Variants in ZMAT1 observed in about 807,000 individuals in gnomAD.
ZMAT1 encodes the protein zinc finger matrin-type protein 1.
In ZMAT1, 11 loss-of-function variants were observed where a neutral mutation model predicts 18.5. That is an observed-to-expected ratio of 0.59 (90% CI 0.37 to 0.98). The LOEUF (loss-of-function observed/expected upper bound fraction) is 0.98, where lower values mean the gene tolerates loss of function less well. Ranked by LOEUF, ZMAT1 falls within the 50% of genes least tolerant of loss-of-function variation. The pLI is 0.01. For synonymous variants in ZMAT1, 211 were observed against 176.4 expected (o/e 1.20, Z -1.55); for missense variants, 525 against 496.2 (o/e 1.06, Z -0.55).
chrX:101,893,325 C>G (rs889131083), intron 4 of ZMAT1, among the ~76,000 whole-genome samples: 1 of 111,533 alleles, frequency 9.0e-6, no homozygotes, highest in Non-Finnish European at 1.9e-5. Flanking sequence ...TACACTCAAC[C>G]TAGCAACAGG....
chrX:101,924,614 C>T (rs1366049549), intron 1 of ZMAT1, among the ~76,000 whole-genome samples: 1 of 111,360 alleles, frequency 9.0e-6, no homozygotes, highest in African/African-American at 3.3e-5. Context: ...GGAAGATAAC[C>T]TATATCTGAT....
rs1247460421 is a variant in ZMAT1 at position 101,884,671 on chromosome X, G to A, written c.927C>T (p.Thr309=). ...AATCGACCACTTCTCTGTATCTACG[G>A]GTTTCCAAAGAACTCTCTTCCATCT... ...FRKMEESSLE[T]RRYREVVDSR... The change falls in exon 6 of 6, where the codon ACC becomes ACT. Residue 309 remains threonine, a synonymous_variant. Coordinates refer to ENST00000651725, the MANE Select transcript of ZMAT1 (RefSeq NM_001394560.1). The A allele has an allele frequency of 8.3e-7, 1 of 1,206,756 alleles. No individual in the cohort carries two copies. Among genetic ancestry groups the A allele is most frequent in the Non-Finnish European group, 1.1e-6 (1 of 893,642 alleles).
At chrX:101,887,700 T>G (rs773652526) in intron 4 of ZMAT1, 74 of 111,316 alleles carry the variant, frequency 6.6e-4, no homozygotes, top group African/African-American at 2.3e-3. Flanking sequence ...GAAAGAAAGA[T>G]GCTGACTCTG....
At chrX:101,924,598 A>T (rs1434393650) in intron 1 of ZMAT1, among the ~76,000 whole-genome samples, 1 of 112,235 alleles carries the variant, frequency 8.9e-6, no homozygotes, top group African/African-American at 3.2e-5. Context: ...ACCTAGGTTC[A>T]AAATGGGAAG....
At chrX:101,929,439 A>ATTCTATATATATAGAT (rs1930314413) in intron 1 of ZMAT1, among the ~76,000 whole-genome samples, 2 of 83,838 alleles carry the variant, frequency 2.4e-5, no homozygotes, top group South Asian at 1.1e-3. Context: ...ATATATATAT[A>ATTCTATATATATAGAT]TATATATATA....
intron 4 of ZMAT1, chrX:101,894,692 A>G: frequency 6.8e-6 from 5 of 732,677 alleles, no homozygotes; most frequent in Non-Finnish European, 8.1e-6. Context: ...AGAGAAAACA[A>G]AAAAGAAACA....
rs776796140 is a variant in ZMAT1 at position 101,883,890 on chromosome X, C to T, written c.1708G>A (p.Val570Ile). ...AGGTGCTTGTAAACTTCAGATTCTA[C>T]ACTGTATGAGCCAGAGTTATTTTCT... ...QQENNSGSYS[V>I]ESEVYKHLSS... The change falls in exon 6 of 6, where the codon GTA becomes ATA. Residue 570 changes from valine to isoleucine, a missense_variant. Val to Ile is a conservative substitution (Grantham distance 29). Coordinates refer to ENST00000651725, the MANE Select transcript of ZMAT1 (RefSeq NM_001394560.1). The T allele has an allele frequency of 1.7e-6, 2 of 1,208,055 alleles. No homozygotes were observed. The highest frequency in any genetic ancestry group is 3.0e-5 in the East Asian group (1 of 33,659).
rs781465880 is a variant in ZMAT1 at position 101,904,345 on chromosome X, G to C, written c.293-15C>G. ...CCAAATGGCGTCTGTGAATAAAAAA[G>C]GGAAGACAAATATATCACATTAATA... On this transcript the variant is annotated splice_polypyrimidine_tract_variant and intron_variant, in intron 1 of 5. Coordinates refer to ENST00000651725, the MANE Select transcript of ZMAT1 (RefSeq NM_001394560.1). 2.7e-6 allele frequency: 3 copies of C among 1,108,154 alleles called. No homozygotes were observed. In the African/African-American group the frequency reaches 5.5e-5, roughly 20 times the overall value. The allele number at this position is 1,108,154 out of a possible 1,213,427, so 91.3% of individuals were successfully genotyped here. A position where few individuals can be genotyped will look rare whatever the true frequency, so the allele number is the denominator to read the frequency against.
intron 1 of ZMAT1, among the ~76,000 whole-genome samples, chrX:101,919,290 T>C (rs1929564876): frequency 9.0e-6 from 1 of 111,632 alleles, no homozygotes; most frequent in Non-Finnish European, 1.9e-5. Flanking sequence ...TGAGGGCCTC[T>C]ATATGTCAAA....
intron 1 of ZMAT1, among the ~76,000 whole-genome samples, chrX:101,923,405 T>C (rs1182469251): frequency 9.0e-6 from 1 of 111,637 alleles, no homozygotes. Context: ...AAATATATTT[T>C]AGATTGGAAT....
chrX:101,907,644 A>T (rs1289419279), intron 1 of ZMAT1, among the ~76,000 whole-genome samples: 1 of 112,322 alleles, frequency 8.9e-6, no homozygotes, highest in Non-Finnish European at 1.9e-5. Flanking sequence ...ATCTCAATGA[A>T]CTTCAAAAAA....
rs199699417 is a variant in ZMAT1 at position 101,884,084 on chromosome X, G to C, written c.1514C>G (p.Thr505Ser). The change falls in exon 6 of 6, where the codon ACT becomes AGT. Residue 505 changes from threonine (T) to serine (S), a missense_variant. Physicochemically the swap from Thr to Ser is moderately conservative, Grantham distance 58. Transcript: ENST00000651725. ...RMLEQKLPCE[T>S]FQTYSGPYSI... ...ATATGGTCCTGAATAGGTCTGGAAA[G>C]TCTCACATGGGAGCTTTTGCTCCAA... 9 of 1,207,674 alleles carry C rather than the reference G, an allele frequency of 7.5e-6. No individual in the cohort carries two copies. In the Admixed American group the frequency reaches 2.0e-4, roughly 26 times the overall value.
At chrX:101,904,100 A>G in intron 2 of ZMAT1, 124 bp downstream of exon 2, 1 of 461,084 alleles carries the variant, frequency 2.2e-6, no homozygotes. Context: ...TCATCCATCA[A>G]AGGAAAATAC....
At chrX:101,912,008 G>A in intron 1 of ZMAT1, 1 of 1,188,094 alleles carries the variant, frequency 8.4e-7, no homozygotes, top group Non-Finnish European at 1.1e-6. Context: ...TGTGTGCAGG[G>A]ACTGTGGAAA....
chrX:101,887,355 T>C (rs1927037169), intron 4 of ZMAT1: 1 of 501,726 alleles, frequency 2.0e-6, no homozygotes, highest in African/African-American at 2.6e-5. Context: ...AGCTATACAC[T>C]GGGAACTATA....
chrX:101,911,080 G>A (rs920161294), intron 1 of ZMAT1, among the ~76,000 whole-genome samples: 1 of 111,476 alleles, frequency 9.0e-6, no homozygotes, highest in East Asian at 2.8e-4. Context: ...ATGTCAGGCA[G>A]CAGACTTTTC....
intron 1 of ZMAT1, among the ~76,000 whole-genome samples, chrX:101,908,919 C>CTGAG (rs1928779141): frequency 9.0e-6 from 1 of 110,676 alleles, no homozygotes; most frequent in Admixed American, 9.6e-5. Context: ...ACATGACATA[C>CTGAG]TGAGACACCA....
intron 1 of ZMAT1, among the ~76,000 whole-genome samples, chrX:101,927,507 G>C (rs1020382476): frequency 8.9e-6 from 1 of 112,059 alleles, no homozygotes; most frequent in Admixed American, 9.5e-5. Flanking sequence ...GTTTCCCATG[G>C]CATGTTAACA....
At chrX:101,920,919 G>A (rs747110130) in intron 1 of ZMAT1, among the ~76,000 whole-genome samples, 1 of 110,469 alleles carries the variant, frequency 9.1e-6, no homozygotes, top group African/African-American at 3.3e-5. Context: ...GATAACAGCT[G>A]TCCAATATCT....
Sources: gnomAD v4.1 joint callset for allele counts (sites outside exome capture counted in the v4.1 genomes callset) on GRCh38, gnomAD v4.1.1 for gene constraint, MANE v1.5 for transcripts, NCBI Gene and HGNC (gene_info 2026-07-23, HGNC 2026-07-21) for gene names.